NAALADL2: variants seen among roughly 807,000 people sequenced by gnomAD.
NAALADL2 encodes inactive N-acetylated-alpha-linked acidic dipeptidase-like protein 2.
Under a neutral mutation model 87.2 loss-of-function variants are expected in NAALADL2, and 76 were observed. The ratio of observed to expected loss-of-function variants is 0.87; its 90% CI spans 0.72 to 1.05. NAALADL2 has a LOEUF of 1.05. NAALADL2 is among the 50% of genes least tolerant of loss of function. The probability of loss-of-function intolerance (pLI) is 0.00; values close to 1 mark genes in which losing one functional copy is unlikely to be tolerated. For synonymous variants in NAALADL2, 354 were observed against 331.0 expected, an observed-to-expected ratio of 1.07 and a Z score of -0.75; for missense variants, 1,089 against 945.8, an observed-to-expected ratio of 1.15 and a Z score of -1.99.
chr3:175,337,066 G>C (rs1045290816), intron 5 of NAALADL2, among the ~76,000 whole-genome samples: 1 of 150,044 alleles, frequency 6.7e-6, no homozygotes. Flanking sequence ...TGTTACCATG[G>C]TATCTCTTTG....
At chr3:175,737,206 T>C in intron 11 of NAALADL2, 100 bp from the exon 12 acceptor site, 1 of 678,548 alleles carries the variant, frequency 1.5e-6, no homozygotes, top group Non-Finnish European at 2.6e-6. Flanking sequence ...GTGTTTTTGC[T>C]GCTCTAGATG....
rs879017216 is a variant in NAALADL2 at position 175,234,289 on chromosome 3, G to A, written c.819+85G>A. 4 of 1,383,058 alleles carry A rather than the reference G, an allele frequency of 2.9e-6. No homozygotes were observed. The South Asian group carries it at 4.1e-5, about 14-fold the overall frequency. 85.7% of individuals were successfully genotyped at this position (1,383,058 alleles called of 1,614,324 possible). A position where few individuals can be genotyped will look rare whatever the true frequency, so the allele number is the denominator to read the frequency against. ...TCATCTAAATTGAACTAACTGTCAA[G>A]ATGCAACATACAAAAGTAACCATTA... On this transcript the variant is annotated intron_variant, in intron 3 of 13. Coordinates refer to ENST00000454872, the MANE Select transcript of NAALADL2 (RefSeq NM_207015.3).
chr3:174,626,550 T>A (rs1721595734), intron 2 of NAALADL2, among the ~76,000 whole-genome samples: 1 of 152,036 alleles, frequency 6.6e-6, no homozygotes, highest in Admixed American at 6.6e-5. Flanking sequence ...CATTTTCCCA[T>A]TTTATTTTTG....
chr3:175,737,544 G>C, intron 12 of NAALADL2, 145 bp downstream of exon 12: 1 of 579,868 alleles, frequency 1.7e-6, no homozygotes, highest in East Asian at 3.0e-5. Flanking sequence ...GAAGGACCTG[G>C]AAGAATTTTA....
intron 5 of NAALADL2, among the ~76,000 whole-genome samples, chr3:175,343,758 T>C (rs1246621101): frequency 6.7e-6 from 1 of 149,250 alleles, no homozygotes. Flanking sequence ...ATGCCATGTA[T>C]GCAGGGCAAA....
At chr3:175,089,083 T>G (rs747575278) in intron 1 of NAALADL2, among the ~76,000 whole-genome samples, 2 of 152,180 alleles carry the variant, frequency 1.3e-5, no homozygotes, top group Non-Finnish European at 2.9e-5. Context: ...TGTGGTCTTT[T>G]CCTCAGGGCA....
intron 3 of NAALADL2, among the ~76,000 whole-genome samples, chr3:174,784,729 C>A (rs1410849107): frequency 2.6e-5 from 4 of 152,162 alleles, no homozygotes; most frequent in African/African-American, 9.6e-5. Context: ...GTGAGTAATT[C>A]TTTATGCCCA....
chr3:175,370,307 G>A (rs1201422465), intron 5 of NAALADL2, among the ~76,000 whole-genome samples: 1 of 151,892 alleles, frequency 6.6e-6, no homozygotes, highest in Non-Finnish European at 1.5e-5. Flanking sequence ...AATAAAATAG[G>A]TTTTGGTTAT....
At chr3:175,110,406 A>G (rs1430600660) in intron 2 of NAALADL2, among the ~76,000 whole-genome samples, 1 of 151,840 alleles carries the variant, frequency 6.6e-6, no homozygotes, top group Admixed American at 6.6e-5. Context: ...TGTTAACATC[A>G]ATTTTCCTAA....
intron 1 of NAALADL2, among the ~76,000 whole-genome samples, chr3:174,527,026 C>T (rs1234225834): frequency 6.6e-6 from 1 of 152,074 alleles, no homozygotes; most frequent in African/African-American, 2.4e-5. Context: ...GGTCATACTG[C>T]AGCTACTAAC....
At chr3:175,132,586 C>G (rs1337594884) in intron 2 of NAALADL2, among the ~76,000 whole-genome samples, 1 of 107,710 alleles carries the variant, frequency 9.3e-6, no homozygotes, top group Admixed American at 9.0e-5. Flanking sequence ...CCCTCCCAGA[C>G]GGGGCGGCTG....
Position 175,551,338 on chromosome 3 carries a change from G to A in NAALADL2, c.1654-24703G>A, listed in dbSNP as rs75705780. Among the ~76,000 whole-genome samples, 66 of 152,116 alleles carry A rather than the reference G, an allele frequency of 4.3e-4. 3 individuals carry two copies. In the East Asian group the frequency reaches 0.012, roughly 29 times the overall value. ...GTGTTGTAGGGAGGGGAGTTTTTAG[G>A]CTAGGCAAAGACAGTAACAAAAACG... On this transcript the variant is annotated intron_variant, in intron 9 of 13. Transcript: ENST00000454872.
chr3:175,792,598 A>T, intron 13 of NAALADL2, among the ~76,000 whole-genome samples: 1 of 152,190 alleles, frequency 6.6e-6, no homozygotes, highest in East Asian at 1.9e-4. Context: ...AGAAAACTAT[A>T]TCTATAATTG....
intron 5 of NAALADL2, among the ~76,000 whole-genome samples, chr3:175,343,057 A>G (rs909420183): frequency 6.6e-6 from 1 of 152,130 alleles, no homozygotes; most frequent in African/African-American, 2.4e-5. Context: ...AATTGTGTTA[A>G]TAAGAAATAG....
intron 10 of NAALADL2, among the ~76,000 whole-genome samples, chr3:175,589,923 C>A (rs1354146244): frequency 6.6e-6 from 1 of 151,782 alleles, no homozygotes; most frequent in Non-Finnish European, 1.5e-5. Flanking sequence ...ATATATTTAC[C>A]AATTCTTGGC....
At chr3:175,058,395 TATTAA>T (rs1712691654) in intron 1 of NAALADL2, among the ~76,000 whole-genome samples, 1 of 152,222 alleles carries the variant, frequency 6.6e-6, no homozygotes, top group Non-Finnish European at 1.5e-5. Context: ...GGCTCGGTGC[TATTAA>T]TATATTAGTA....
chr3:175,608,705 T>C (rs1407333341), intron 10 of NAALADL2, among the ~76,000 whole-genome samples: 3 of 152,136 alleles, frequency 2.0e-5, no homozygotes, highest in East Asian at 1.9e-4. Flanking sequence ...TTCTCAGTTG[T>C]ATAATAGGTT....
At chr3:175,351,410 C>T (rs749171213) in intron 5 of NAALADL2, among the ~76,000 whole-genome samples, 5 of 151,776 alleles carry the variant, frequency 3.3e-5, no homozygotes, top group Non-Finnish European at 5.9e-5. Flanking sequence ...TATATGATAA[C>T]ATTATATGTA....
chr3:175,722,404 C>T (rs1257774378), intron 11 of NAALADL2, among the ~76,000 whole-genome samples: 1 of 152,020 alleles, frequency 6.6e-6, no homozygotes, highest in African/African-American at 2.4e-5. Flanking sequence ...GATAATAAAA[C>T]CCAGGCACCT....
Sources: gnomAD v4.1 joint callset for allele counts (sites outside exome capture counted in the v4.1 genomes callset) on GRCh38, gnomAD v4.1.1 for gene constraint, MANE v1.5 for transcripts, NCBI Gene and HGNC (gene_info 2026-07-23, HGNC 2026-07-21) for gene names.